The following HDAC9 variants were observed in gnomAD, a reference collection of about 807,000 sequenced individuals.
The protein encoded by HDAC9 is MEF-2 interacting transcription repressor (MITR) protein.
Under a neutral mutation model 139.4 loss-of-function variants are expected in HDAC9, and 41 were observed. That is an observed-to-expected ratio of 0.29 (90% confidence interval 0.23 to 0.38). HDAC9 has a LOEUF of 0.38. Ranked by LOEUF, HDAC9 falls within the 10% of genes least tolerant of loss-of-function variation. The probability of loss-of-function intolerance (pLI) is 1.00; values close to 1 mark genes in which losing one functional copy is unlikely to be tolerated. For synonymous variants in HDAC9, 517 were observed against 476.2 expected (o/e 1.09, Z -1.12); for missense variants, 1,147 against 1,297.0 (o/e 0.88, Z 1.78).
chr7:18,658,916 A>AC (rs1427051549), intron 11 of HDAC9, among the ~76,000 whole-genome samples: 4 of 151,366 alleles, frequency 2.6e-5, no homozygotes, highest in Non-Finnish European at 4.4e-5. Flanking sequence ...AAAAAAAACA[A>AC]AACAACAACA....
intron 2 of HDAC9, among the ~76,000 whole-genome samples, chr7:18,284,456 C>T (rs966112298): frequency 6.6e-6 from 1 of 152,106 alleles, no homozygotes; most frequent in Non-Finnish European, 1.5e-5. Context: ...TTTCCATTAT[C>T]TCCTATTTCA....
intron 17 of HDAC9, among the ~76,000 whole-genome samples, chr7:18,814,679 A>G (rs1361700862): frequency 6.6e-6 from 1 of 152,210 alleles, no homozygotes; most frequent in East Asian, 1.9e-4. Flanking sequence ...CTAATGCCAC[A>G]TAATTTAATT....
intron 22 of HDAC9, among the ~76,000 whole-genome samples, chr7:18,894,368 T>C (rs560345403): frequency 2.0e-5 from 3 of 152,178 alleles, no homozygotes; most frequent in East Asian, 3.9e-4. Flanking sequence ...TGAAGCCTGA[T>C]TGATTTTCAC....
At chr7:18,356,358 GTTTTTTTTTTTTTTT>G (rs5882659) in intron 1 of HDAC9, among the ~76,000 whole-genome samples, 1 of 55,140 alleles carries the variant, frequency 1.8e-5, no homozygotes, top group South Asian at 9.1e-4. Flanking sequence ...CAGCACATAG[GTTTTTTTTTTTTTTT>G]TTTTTTTTTT....
chr7:18,908,101 C>A (rs899238714), intron 22 of HDAC9, among the ~76,000 whole-genome samples: 2 of 151,744 alleles, frequency 1.3e-5, no homozygotes, highest in African/African-American at 4.9e-5. Flanking sequence ...TAATTTGAGA[C>A]ATGAAATGTC....
At chr7:18,717,838 A>C (rs531199650) in intron 12 of HDAC9, among the ~76,000 whole-genome samples, 1 of 152,366 alleles carries the variant, frequency 6.6e-6, no homozygotes, top group South Asian at 2.1e-4. Flanking sequence ...GATATGTTAC[A>C]AAACATGCAC....
intron 9 of HDAC9, among the ~76,000 whole-genome samples, chr7:18,647,323 A>G (rs1160142896): frequency 6.6e-6 from 1 of 152,176 alleles, no homozygotes; most frequent in Non-Finnish European, 1.5e-5. Flanking sequence ...ATGATTTGAC[A>G]TATGTATACA....
chr7:18,738,332 T>C (rs898770724), intron 13 of HDAC9, among the ~76,000 whole-genome samples: 5 of 152,264 alleles, frequency 3.3e-5, no homozygotes, highest in Non-Finnish European at 7.3e-5. Flanking sequence ...TGCCCATTAA[T>C]TGATGCAGTT....
At chr7:18,888,196 C>T (rs1445020236) in intron 22 of HDAC9, among the ~76,000 whole-genome samples, 3 of 151,982 alleles carry the variant, frequency 2.0e-5, no homozygotes, top group African/African-American at 7.3e-5. Context: ...CCGAGGCAGG[C>T]GGATCACGAG....
chr7:18,113,439 T>C (rs1466725072), intron 1 of HDAC9, among the ~76,000 whole-genome samples: 1 of 152,252 alleles, frequency 6.6e-6, no homozygotes, highest in East Asian at 1.9e-4. Context: ...CTTTGCAATG[T>C]AATGCTACAT....
intron 13 of HDAC9, 142 bp from the exon 14 acceptor site, chr7:18,748,863 G>T (rs1292221801): frequency 3.8e-6 from 3 of 793,516 alleles, no homozygotes; most frequent in Non-Finnish European, 3.9e-6. Flanking sequence ...GTGCTCCTGA[G>T]AATTTGCTTT....
At chr7:18,851,198 G>T (rs1470124206) in intron 21 of HDAC9, among the ~76,000 whole-genome samples, 4 of 152,118 alleles carry the variant, frequency 2.6e-5, no homozygotes, top group African/African-American at 7.2e-5. Context: ...CTACTTTCTT[G>T]GGTGCTGATA....
chr7:18,428,491 A>G (rs1343741749), intron 1 of HDAC9, among the ~76,000 whole-genome samples: 1 of 152,252 alleles, frequency 6.6e-6, no homozygotes, highest in Non-Finnish European at 1.5e-5. Context: ...GAAGACATAC[A>G]CATGACCAAC....
At chr7:18,671,429 G>A (rs930281739) in intron 12 of HDAC9, among the ~76,000 whole-genome samples, 8 of 151,898 alleles carry the variant, frequency 5.3e-5, no homozygotes, top group African/African-American at 1.9e-4. Flanking sequence ...AGATGGCCAG[G>A]TGCCCTAACC....
intron 24 of HDAC9, among the ~76,000 whole-genome samples, chr7:18,969,791 T>C (rs180696709): frequency 1.8e-4 from 27 of 152,322 alleles, no homozygotes; most frequent in Admixed American, 1.4e-3. Context: ...TAGCAGCATC[T>C]GAATTTGGTA....
intron 1 of HDAC9, among the ~76,000 whole-genome samples, chr7:18,300,364 G>A (rs752584245): frequency 2.6e-5 from 4 of 151,966 alleles, no homozygotes; most frequent in African/African-American, 4.8e-5. Context: ...TTTTTAATTG[G>A]TTCCACTCCT....
At chr7:18,310,254 G>A (rs971548427) in intron 1 of HDAC9, among the ~76,000 whole-genome samples, 4 of 152,106 alleles carry the variant, frequency 2.6e-5, no homozygotes, top group Admixed American at 2.0e-4. Flanking sequence ...TCTGTTTTAC[G>A]TATCACAGAG....
At chr7:18,452,248 A>G (rs940711118) in intron 1 of HDAC9, among the ~76,000 whole-genome samples, 4 of 152,172 alleles carry the variant, frequency 2.6e-5, no homozygotes, top group Admixed American at 6.6e-5. Flanking sequence ...ACCAGGAACA[A>G]CCAAAATGAG....
At chr7:18,262,148 G>T (rs547130218) in intron 2 of HDAC9, among the ~76,000 whole-genome samples, 1 of 152,274 alleles carries the variant, frequency 6.6e-6, no homozygotes, top group African/African-American at 2.4e-5. Context: ...ACTGCAAAGG[G>T]CTATAGTAAC....
Sources: gnomAD v4.1 joint callset for allele counts (sites outside exome capture counted in the v4.1 genomes callset) on GRCh38, gnomAD v4.1.1 for gene constraint, MANE v1.5 for transcripts, NCBI Gene and HGNC (gene_info 2026-07-23, HGNC 2026-07-21) for gene names.